Variants in SEMA3A observed in about 807,000 individuals in gnomAD.
SEMA3A encodes semaphorin-3A.
SEMA3A carries 29 observed loss-of-function variants against 97.9 expected under a neutral mutation model. That is an observed-to-expected ratio of 0.30 (90% CI 0.22 to 0.40). The LOEUF (loss-of-function observed/expected upper bound fraction) is 0.40, where lower values mean the gene tolerates loss of function less well. Ranked by LOEUF, SEMA3A falls within the 10% of genes least tolerant of loss-of-function variation. The probability of loss-of-function intolerance (pLI) is 1.00; values close to 1 mark genes in which losing one functional copy is unlikely to be tolerated. For synonymous variants in SEMA3A, 321 were observed against 323.7 expected (o/e 0.99, Z 0.09); for missense variants, 763 against 951.3 (o/e 0.80, Z 2.60).
At chr7:84,129,399 T>C (rs961941564) in intron 2 of SEMA3A, among the ~76,000 whole-genome samples, 24 of 152,166 alleles carry the variant, frequency 1.6e-4, no homozygotes. Flanking sequence ...GCCTTTGCTA[T>C]ATATAAAAGT....
At chr7:84,354,726 T>G (rs1389067866) in intron 2 of SEMA3A, among the ~76,000 whole-genome samples, 1 of 151,594 alleles carries the variant, frequency 6.6e-6, no homozygotes, top group Non-Finnish European at 1.5e-5. Context: ...AAAGAAGAAT[T>G]TAATGCTTTT....
At chr7:84,294,315 C>T (rs1800820249) in intron 3 of SEMA3A, among the ~76,000 whole-genome samples, 1 of 151,878 alleles carries the variant, frequency 6.6e-6, no homozygotes, top group Non-Finnish European at 1.5e-5. Flanking sequence ...TTTCACTGAC[C>T]TGAAGGAAGG....
At chr7:84,205,480 A>G (rs1798469151) in intron 3 of SEMA3A, among the ~76,000 whole-genome samples, 1 of 152,230 alleles carries the variant, frequency 6.6e-6, no homozygotes, top group Non-Finnish European at 1.5e-5. Context: ...TCAGATCTGC[A>G]AATAGACACT....
At chr7:84,268,923 T>C (rs1800077238) in intron 3 of SEMA3A, among the ~76,000 whole-genome samples, 1 of 152,160 alleles carries the variant, frequency 6.6e-6, no homozygotes, top group Non-Finnish European at 1.5e-5. Context: ...TACATGAGCC[T>C]GATCAATGAG....
chr7:84,298,738 A>C (rs1381938924), intron 3 of SEMA3A, among the ~76,000 whole-genome samples: 1 of 152,174 alleles, frequency 6.6e-6, no homozygotes, highest in South Asian at 2.1e-4. Flanking sequence ...GGTCAACTTG[A>C]TTGGCTTAAA....
intron 1 of SEMA3A, among the ~76,000 whole-genome samples, chr7:84,400,545 A>C (rs1308461129): frequency 6.6e-6 from 1 of 152,216 alleles, no homozygotes; most frequent in Non-Finnish European, 1.5e-5. Context: ...AAACGGAGGA[A>C]AGAATCAGTG....
intron 2 of SEMA3A, among the ~76,000 whole-genome samples, chr7:84,307,791 A>G (rs529414906): frequency 1.3e-3 from 197 of 152,314 alleles, no homozygotes; most frequent in South Asian, 2.1e-3. Flanking sequence ...AAGGAAATAT[A>G]CCAAATATTT....
At chr7:84,240,748 C>T (rs1414064034) in intron 3 of SEMA3A, among the ~76,000 whole-genome samples, 1 of 152,024 alleles carries the variant, frequency 6.6e-6, no homozygotes, top group Non-Finnish European at 1.5e-5. Context: ...TAATGCTAGC[C>T]CCCTCTAGCC....
At chr7:84,410,363 T>C (rs1255455159) in intron 1 of SEMA3A, among the ~76,000 whole-genome samples, 1 of 152,182 alleles carries the variant, frequency 6.6e-6, no homozygotes, top group Non-Finnish European at 1.5e-5. Flanking sequence ...AAAGACATTC[T>C]TTTAATGTCA....
At chr7:84,390,368 A>ATTATTATT (rs1562929747) in intron 1 of SEMA3A, among the ~76,000 whole-genome samples, 4 of 104,760 alleles carry the variant, frequency 3.8e-5, no homozygotes, top group Admixed American at 9.9e-5. Flanking sequence ...TTATTATTAT[A>ATTATTATT]GCAGCTGGGA....
chr7:84,325,541 G>A (rs1801755771), intron 2 of SEMA3A, among the ~76,000 whole-genome samples: 1 of 151,930 alleles, frequency 6.6e-6, no homozygotes, highest in African/African-American at 2.4e-5. Context: ...CCATGTGGCT[G>A]CAGTGGTCCA....
At chr7:84,465,190 T>A (rs1351989207) in intron 1 of SEMA3A, among the ~76,000 whole-genome samples, 1 of 152,168 alleles carries the variant, frequency 6.6e-6, no homozygotes, top group African/African-American at 2.4e-5. Context: ...TTAGGAAGAT[T>A]ATATACAACC....
chr7:84,256,463 T>G (rs2115638221), intron 3 of SEMA3A, among the ~76,000 whole-genome samples: 1 of 152,156 alleles, frequency 6.6e-6, no homozygotes, highest in East Asian at 1.9e-4. Flanking sequence ...AAATACTGTT[T>G]TAAAAAAAGG....
intron 16 of SEMA3A, among the ~76,000 whole-genome samples, chr7:83,962,832 G>A (rs912074228): frequency 6.6e-6 from 1 of 152,020 alleles, no homozygotes; most frequent in Non-Finnish European, 1.5e-5. Context: ...AAGAAAAACA[G>A]ATTTTGATAA....
intron 1 of SEMA3A, among the ~76,000 whole-genome samples, chr7:84,169,516 AT>A (rs1247437772): frequency 4.7e-5 from 7 of 149,032 alleles, no homozygotes; most frequent in Non-Finnish European, 1.0e-4. Context: ...AGTTCACTGT[AT>A]TTCCATATAA....
intron 1 of SEMA3A, among the ~76,000 whole-genome samples, chr7:84,143,995 A>AC (rs1275001617): frequency 4.6e-5 from 6 of 131,082 alleles, no homozygotes; most frequent in Admixed American, 3.6e-4. Flanking sequence ...ACACACACAC[A>AC]ATTTATTGTG....
intron 12 of SEMA3A, among the ~76,000 whole-genome samples, chr7:83,988,418 G>A (rs956901914): frequency 1.3e-5 from 2 of 151,954 alleles, no homozygotes; most frequent in Non-Finnish European, 2.9e-5. Context: ...TAGTAGAGAT[G>A]GGGTTTCACC....
At chr7:84,385,098 A>C (rs950317494) in intron 1 of SEMA3A, among the ~76,000 whole-genome samples, 4 of 136,454 alleles carry the variant, frequency 2.9e-5, no homozygotes, top group African/African-American at 6.2e-5. Context: ...CACACACACA[A>C]ACACTCAATT....
chr7:84,458,146 C>T (rs902173561), intron 1 of SEMA3A, among the ~76,000 whole-genome samples: 1 of 151,988 alleles, frequency 6.6e-6, no homozygotes, highest in Non-Finnish European at 1.5e-5. Flanking sequence ...ACTCTAATCA[C>T]AGAAGCATTA....
Sources: gnomAD v4.1 joint callset for allele counts (sites outside exome capture counted in the v4.1 genomes callset) on GRCh38, gnomAD v4.1.1 for gene constraint, MANE v1.5 for transcripts, NCBI Gene and HGNC (gene_info 2026-07-23, HGNC 2026-07-21) for gene names.